GRID2: variants seen among roughly 807,000 people sequenced by gnomAD.
GRID2 encodes glutamate receptor ionotropic, delta-2.
A neutral mutation model predicts 114.8 loss-of-function variants in GRID2; 33 were observed. The observed-to-expected ratio is 0.29, with a 90% CI of 0.22 to 0.38. The LOEUF (loss-of-function observed/expected upper bound fraction) is 0.38, where lower values mean the gene tolerates loss of function less well. GRID2 is among the 10% of genes least tolerant of loss of function. The pLI is 1.00. For missense variants in GRID2, 1,184 were observed against 1,257.7 expected (o/e 0.94, Z 0.89); for synonymous variants, 505 against 449.9 (o/e 1.12, Z -1.55).
At chr4:92,954,353 T>C (rs1752236544) in intron 2 of GRID2, among the ~76,000 whole-genome samples, 1 of 152,160 alleles carries the variant, frequency 6.6e-6, no homozygotes, top group Non-Finnish European at 1.5e-5. Flanking sequence ...GTCATGACCT[T>C]AGAAATGAAG....
chr4:93,064,800 T>C (rs546060832), intron 2 of GRID2, among the ~76,000 whole-genome samples: 2 of 152,046 alleles, frequency 1.3e-5, no homozygotes, highest in African/African-American at 4.8e-5. Context: ...TATATTAGCA[T>C]ATGTTTAATG....
chr4:93,018,654 AT>A (rs1456926589), intron 2 of GRID2, among the ~76,000 whole-genome samples: 3 of 152,170 alleles, frequency 2.0e-5, no homozygotes, highest in Non-Finnish European at 4.4e-5. Context: ...CAATTTCAAA[AT>A]TGAGTATATC....
intron 8 of GRID2, among the ~76,000 whole-genome samples, chr4:93,273,448 G>C (rs1398886154): frequency 4.1e-5 from 5 of 121,278 alleles, no homozygotes; most frequent in African/African-American, 1.8e-4. Context: ...TTTTGTGGTA[G>C]TCAGAATAAT....
At chr4:92,639,707 A>C (rs1388624982) in intron 2 of GRID2, among the ~76,000 whole-genome samples, 3 of 151,702 alleles carry the variant, frequency 2.0e-5, no homozygotes, top group Non-Finnish European at 2.9e-5. Flanking sequence ...TATTGCCATG[A>C]TATATATACT....
At chr4:93,557,399 C>T (rs1469839408) in intron 13 of GRID2, among the ~76,000 whole-genome samples, 1 of 152,056 alleles carries the variant, frequency 6.6e-6, no homozygotes, top group Non-Finnish European at 1.5e-5. Flanking sequence ...GAATATTTAC[C>T]AAGCAAATGG....
intron 13 of GRID2, among the ~76,000 whole-genome samples, chr4:93,622,349 G>T (rs890126521): frequency 3.3e-5 from 5 of 152,100 alleles, no homozygotes; most frequent in African/African-American, 9.7e-5. Flanking sequence ...TGTTTCCGAT[G>T]ATATTACTCA....
chr4:93,204,825 G>A (rs145066310), intron 4 of GRID2, among the ~76,000 whole-genome samples: 1 of 152,188 alleles, frequency 6.6e-6, no homozygotes, highest in Non-Finnish European at 1.5e-5. Flanking sequence ...TTTAAATTTT[G>A]CCTTATCTGA....
intron 1 of GRID2, among the ~76,000 whole-genome samples, chr4:92,388,594 C>A (rs1176857490): frequency 1.3e-5 from 2 of 151,992 alleles, no homozygotes; most frequent in East Asian, 3.9e-4. Flanking sequence ...AGGAATTCTG[C>A]ATTGTTTTCC....
intron 2 of GRID2, among the ~76,000 whole-genome samples, chr4:93,024,738 TTAGG>T (rs747081589): frequency 6.6e-6 from 1 of 151,784 alleles, no homozygotes; most frequent in Non-Finnish European, 1.5e-5. Context: ...TAAAAAGTAC[TTAGG>T]TAGTATTAAT....
At chr4:92,316,127 G>C (rs1725967736) in intron 1 of GRID2, among the ~76,000 whole-genome samples, 1 of 151,918 alleles carries the variant, frequency 6.6e-6, no homozygotes, top group Non-Finnish European at 1.5e-5. Context: ...AACAAAATTG[G>C]GTTAGTGGTT....
chr4:93,194,813 T>G (rs1741324781), intron 4 of GRID2, among the ~76,000 whole-genome samples: 1 of 152,320 alleles, frequency 6.6e-6, no homozygotes, highest in Admixed American at 6.5e-5. Context: ...CGTTAGAAAT[T>G]AAAATTTTCA....
intron 13 of GRID2, among the ~76,000 whole-genome samples, chr4:93,547,629 A>G (rs2149537102): frequency 6.6e-6 from 1 of 152,318 alleles, no homozygotes; most frequent in East Asian, 1.9e-4. Flanking sequence ...AAACACAGTT[A>G]TGCATTAAGT....
chr4:93,009,739 C>T (rs1305265574), intron 2 of GRID2, among the ~76,000 whole-genome samples: 2 of 152,008 alleles, frequency 1.3e-5, no homozygotes, highest in Admixed American at 1.3e-4. Context: ...TTCTCTGATT[C>T]TATTTCCAAG....
chr4:93,265,633 T>C (rs1440622000), intron 8 of GRID2, among the ~76,000 whole-genome samples: 1 of 152,158 alleles, frequency 6.6e-6, no homozygotes, highest in East Asian at 1.9e-4. Context: ...ACATGAAACA[T>C]TGAAATAAAT....
chr4:93,532,300 G>C (rs1272266466), intron 13 of GRID2, among the ~76,000 whole-genome samples: 1 of 152,116 alleles, frequency 6.6e-6, no homozygotes, highest in East Asian at 1.9e-4. Context: ...TGTTTGTTTT[G>C]AAAGAGCACA....
intron 14 of GRID2, among the ~76,000 whole-genome samples, chr4:93,644,361 A>T (rs1721909046): frequency 7.7e-6 from 1 of 129,858 alleles, no homozygotes; most frequent in South Asian, 2.4e-4. Flanking sequence ...TCTTAATGAT[A>T]TTTTTACCAA....
At chr4:93,478,835 A>T (rs1725579193) in intron 11 of GRID2, among the ~76,000 whole-genome samples, 3 of 152,104 alleles carry the variant, frequency 2.0e-5, no homozygotes, top group Admixed American at 2.0e-4. Context: ...ATATTAAGTC[A>T]GAGAAGTCTA....
chr4:93,155,838 G>C (rs1268897068), intron 4 of GRID2, among the ~76,000 whole-genome samples: 1 of 151,750 alleles, frequency 6.6e-6, no homozygotes, highest in Non-Finnish European at 1.5e-5. Flanking sequence ...GAGGGCATGG[G>C]GGGTAGTGGT....
chr4:93,371,118 C>G (rs571623076), intron 8 of GRID2, among the ~76,000 whole-genome samples: 88 of 152,166 alleles, frequency 5.8e-4, no homozygotes, highest in African/African-American at 2.0e-3. Flanking sequence ...GGCTAAAAAT[C>G]CCAAAATAGA....
Sources: allele counts gnomAD v4.1 joint callset (sites outside exome capture counted in the v4.1 genomes callset), GRCh38; gene constraint gnomAD v4.1.1; transcripts MANE v1.5; gene names NCBI Gene and HGNC (gene_info 2026-07-23, HGNC 2026-07-21).